Variants in RNF13 observed in about 807,000 individuals in gnomAD.
RNF13 encodes the protein E3 ubiquitin-protein ligase RNF13.
In RNF13, 19 loss-of-function variants were observed where a neutral mutation model predicts 37.7. That is an observed-to-expected ratio of 0.50 (90% CI 0.35 to 0.74). RNF13 has a LOEUF of 0.74. Among genes scored for constraint, RNF13 ranks in the 30% least tolerant of loss-of-function variants. RNF13 has a pLI of 0.01. For synonymous variants in RNF13, 144 were observed against 157.8 expected (o/e 0.91, Z 0.65); for missense variants, 375 against 453.0 (o/e 0.83, Z 1.56).
intron 3 of RNF13, among the ~76,000 whole-genome samples, chr3:149,853,135 T>C (rs1723268221): frequency 6.6e-6 from 1 of 152,142 alleles, no homozygotes; most frequent in Non-Finnish European, 1.5e-5. Flanking sequence ...TCATAGTGGA[T>C]ATTTAGGTTG....
At chr3:149,887,263 A>G (rs143698691) in intron 4 of RNF13, among the ~76,000 whole-genome samples, 3 of 152,312 alleles carry the variant, frequency 2.0e-5, no homozygotes, top group Non-Finnish European at 4.4e-5. Context: ...CAATGCCCCA[A>G]TTTCAATAAT....
chr3:149,937,197 T>G (rs921188293), intron 8 of RNF13, among the ~76,000 whole-genome samples: 2 of 152,084 alleles, frequency 1.3e-5, no homozygotes, highest in African/African-American at 4.8e-5. Flanking sequence ...TGTCTTCAGA[T>G]TTTCTCCCAA....
rs770770059 is a variant in RNF13 at position 149,902,098 on chromosome 3, C to A, written c.436C>A (p.Pro146Thr). The change falls in exon 6 of 10, where the codon CCA becomes ACA. Residue 146 changes from proline to threonine, a missense_variant. Coordinates refer to ENST00000392894, the MANE Select transcript of RNF13 (RefSeq NM_183381.3). ...TGAGGTACTAAAGAAAATTGACATTCCATCTGTCTTTATTGGTGAATCATC... is the reference window on the plus strand; with the variant it reads ...TGAGGTACTAAAGAAAATTGACATTACATCTGTCTTTATTGGTGAATCATC... The part of the protein sequence containing the change: ...DIEVLKKIDI[P>T]SVFIGESSAN... 1 of 1,495,142 alleles carries A rather than the reference C, an allele frequency of 6.7e-7. No homozygotes were observed. The highest frequency in any genetic ancestry group is 2.3e-5 in the Admixed American group (1 of 44,228). The allele number at this position is 1,495,142 out of a possible 1,614,324, so 92.6% of individuals were successfully genotyped here. A position where few individuals can be genotyped will look rare whatever the true frequency, so the allele number is the denominator to read the frequency against.
At chr3:149,960,228 G>A in intron 9 of RNF13, 92 bp downstream of exon 9, 1 of 860,008 alleles carries the variant, frequency 1.2e-6, no homozygotes, top group South Asian at 1.5e-5. Context: ...ATAGTTATTA[G>A]CACACCAGAA....
chr3:149,839,802 T>G (rs1372573143), intron 1 of RNF13, among the ~76,000 whole-genome samples: 1 of 152,236 alleles, frequency 6.6e-6, no homozygotes, highest in African/African-American at 2.4e-5. Context: ...ATATTTCCGT[T>G]GTCTCCATTA....
intron 1 of RNF13, among the ~76,000 whole-genome samples, chr3:149,822,358 A>T (rs938018577): frequency 6.6e-6 from 1 of 151,932 alleles, no homozygotes; most frequent in African/African-American, 2.4e-5. Flanking sequence ...TGTTATATTT[A>T]TTCCTGGGTA....
intron 2 of RNF13, among the ~76,000 whole-genome samples, chr3:149,851,888 T>C (rs1178892884): frequency 6.6e-6 from 1 of 152,180 alleles, no homozygotes. Context: ...TTTGTTTTGT[T>C]TTGGTAAAGG....
At chr3:149,816,993 G>A (rs980857309) in intron 1 of RNF13, among the ~76,000 whole-genome samples, 2 of 152,170 alleles carry the variant, frequency 1.3e-5, no homozygotes, top group African/African-American at 4.8e-5. Flanking sequence ...ACAGAAATAA[G>A]GATATTATCA....
intron 2 of RNF13, chr3:149,851,536 A>G (rs2108388151): frequency 6.6e-6 from 1 of 152,276 alleles, no homozygotes; most frequent in East Asian, 1.9e-4. Flanking sequence ...TGATCCTTCC[A>G]TCTTTTCTTA....
At chr3:149,949,444 G>C (rs1207671927) in intron 8 of RNF13, among the ~76,000 whole-genome samples, 1 of 126,764 alleles carries the variant, frequency 7.9e-6, no homozygotes, top group East Asian at 2.3e-4. Context: ...TTTTTTTTTT[G>C]CTGCTTTCAA....
intron 1 of RNF13, among the ~76,000 whole-genome samples, chr3:149,826,073 G>A (rs369569708): frequency 2.0e-4 from 31 of 152,228 alleles, no homozygotes; most frequent in African/African-American, 6.3e-4. Context: ...GTACACAATT[G>A]GTGTCTGGAG....
At chr3:149,858,608 T>C (rs1368442141) in intron 3 of RNF13, among the ~76,000 whole-genome samples, 1 of 152,222 alleles carries the variant, frequency 6.6e-6, no homozygotes, top group Non-Finnish European at 1.5e-5. Flanking sequence ...GATCCATATA[T>C]ACTGTGTTTT....
chr3:149,852,517 A>C lies in RNF13; in HGVS notation c.116A>C (p.Tyr39Ser). 1 of 1,496,330 alleles carries C rather than the reference A, an allele frequency of 6.7e-7. No homozygotes were observed. Among genetic ancestry groups the C allele is most frequent in the East Asian group, 2.4e-5 (1 of 42,528 alleles). The allele number at this position is 1,496,330 out of a possible 1,614,324, so 92.7% of individuals were successfully genotyped here. Reference sequence around the variant, plus strand: ...GAATATTTAAAATTTTATTTTTAGTATAACTTTGAAAATGCATCTCAGACA... The same window carrying C: ...GAATATTTAAAATTTTATTTTTAGTCTAACTTTGAAAATGCATCTCAGACA... Reference protein sequence around the residue: ...LLPVEADILAYNFENASQTFD... With the variant: ...LLPVEADILASNFENASQTFD... Residue 39 changes from tyrosine to serine, a missense_variant and splice_region_variant, in exon 3 of 10, where the codon TAT (tyrosine) becomes TCT (serine). Transcript: ENST00000392894.
chr3:149,951,073 G>T, intron 8 of RNF13, among the ~76,000 whole-genome samples: 1 of 152,102 alleles, frequency 6.6e-6, no homozygotes, highest in South Asian at 2.1e-4. Flanking sequence ...GATTTTTCCT[G>T]GTAGAGCTTC....
intron 8 of RNF13, among the ~76,000 whole-genome samples, chr3:149,958,314 C>T (rs34292098): frequency 0.031 from 4,702 of 152,266 alleles, 95 homozygotes; most frequent in Non-Finnish European, 0.042. Flanking sequence ...CATTTCCTTA[C>T]CTTTTCTGGC....
At position 149,897,887 on chromosome 3, in the gene RNF13, AC is replaced by A. The variant is rs1337626995; in HGVS notation, c.409+2329del. Among the ~76,000 whole-genome samples the A allele has an allele frequency of 5.3e-5, 8 of 152,264 alleles. No individual in the cohort carries two copies. The South Asian group carries it at 1.7e-3, about 32-fold the overall frequency. On this transcript the variant is annotated intron_variant, in intron 5 of 9. Coordinates refer to ENST00000392894, the MANE Select transcript of RNF13 (RefSeq NM_183381.3). ...TGTTGACACTTCACGTAAGGAATAT[AC>A]CAATTTTTATTTCAGCCAGGAACAG...
At chr3:149,865,651 T>C (rs1724736831) in intron 3 of RNF13, among the ~76,000 whole-genome samples, 1 of 152,014 alleles carries the variant, frequency 6.6e-6, no homozygotes, top group Non-Finnish European at 1.5e-5. Context: ...TTTTTTGTAT[T>C]TTTGTAATTT....
intron 1 of RNF13, among the ~76,000 whole-genome samples, chr3:149,840,366 T>A (rs1722054580): frequency 1.3e-5 from 2 of 152,160 alleles, no homozygotes; most frequent in African/African-American, 4.8e-5. Context: ...TGACTTTTTT[T>A]ATTATAGGCA....
At chr3:149,914,898 A>G (rs920792114) in intron 7 of RNF13, among the ~76,000 whole-genome samples, 4 of 151,824 alleles carry the variant, frequency 2.6e-5, no homozygotes, top group African/African-American at 7.3e-5. Context: ...AGATCACACC[A>G]TTGCACTCCA....
Sources: gnomAD v4.1 joint callset for allele counts (sites outside exome capture counted in the v4.1 genomes callset) on GRCh38, gnomAD v4.1.1 for gene constraint, MANE v1.5 for transcripts, NCBI Gene and HGNC (gene_info 2026-07-23, HGNC 2026-07-21) for gene names.